The following SPEG variants were observed in gnomAD, a reference collection of about 807,000 sequenced individuals.
The protein encoded by SPEG is striated muscle preferentially expressed protein kinase.
A neutral mutation model predicts 300.4 loss-of-function variants in SPEG; 114 were observed. The ratio of observed to expected loss-of-function variants is 0.38; its 90% CI spans 0.33 to 0.44. The LOEUF is 0.44. SPEG is among the 20% of genes least tolerant of loss of function. The pLI is 1.00. For synonymous variants in SPEG, 1,964 were observed against 2,018.9 expected (o/e 0.97, Z 0.73); for missense variants, 4,201 against 4,586.2 (o/e 0.92, Z 2.43).
intron 9 of SPEG, chr2:219,465,827 ATGCGTGCGTGTATG>A (rs1691229192): frequency 1.0e-5 from 6 of 591,696 alleles, no homozygotes; most frequent in Admixed American, 5.4e-5. Context: ...GTGCGTGCGC[ATGCGTGCGTGTATG>A]TGCATGCATG....
chr2:219,462,506 G>A (rs1032282767), intron 8 of SPEG, 120 bp downstream of exon 8: 2 of 772,232 alleles, frequency 2.6e-6, no homozygotes, highest in African/African-American at 3.5e-5. Flanking sequence ...TCTGCCTCAG[G>A]GGCCTCATCT....
chr2:219,451,266 C>A lies in SPEG; in HGVS notation c.2244C>A (p.Asn748Lys). The change falls in exon 5 of 41, where the codon AAC becomes AAA. Residue 748 changes from asparagine to lysine, a missense_variant. Around this residue, in one of 4 missense-constraint regions of SPEG, gnomAD observed 1,258 missense variants for 1,293.9 expected, o/e 0.97. Coordinates refer to ENST00000312358, the MANE Select transcript of SPEG (RefSeq NM_005876.5). The surrounding 1 kb of genome is among the most constrained non-coding windows in gnomAD (Gnocchi z 6.4). The part of the protein sequence containing the change: ...DVLLKCIITA[N>K]PPPQVSWHKD... ...TGCTCAAGTGTATCATCACTGCCAA[C>A]CCCCCGCCCCAAGGTGAGCTCCAGC... 1 of 1,605,066 alleles carries A rather than the reference C, an allele frequency of 6.2e-7. No homozygotes were observed. The highest frequency in any genetic ancestry group is 8.5e-7 in the Non-Finnish European group (1 of 1,174,968).
At position 219,484,780 on chromosome 2, in the gene SPEG, G is replaced by T; in HGVS notation, c.7317G>T (p.Ser2439=). Residue 2439 remains serine, a synonymous_variant, in exon 30 of 41, where the codon TCG becomes TCT. Transcript: ENST00000312358. ...WEARGGDGES[S]EGGSSARGSP... Reference sequence around the variant, plus strand: ...CCCGCGGCGGGGACGGAGAGAGCTCGGAGGGCGGGAGCTCGGCGCGGGGCT... The same window carrying T: ...CCCGCGGCGGGGACGGAGAGAGCTCTGAGGGCGGGAGCTCGGCGCGGGGCT... The T allele has an allele frequency of 6.8e-7, 1 of 1,467,504 alleles. No individual in the cohort carries two copies. The highest frequency in any genetic ancestry group is 1.4e-5 in the South Asian group (1 of 73,978). 90.9% of individuals were successfully genotyped at this position (1,467,504 alleles called of 1,614,324 possible). A position where few individuals can be genotyped will look rare whatever the true frequency, so the allele number is the denominator to read the frequency against.
At position 219,481,228 on chromosome 2, in the gene SPEG, C is replaced by A; in HGVS notation, c.5370-76C>A. On this transcript the variant is annotated intron_variant, in intron 26 of 40. Coordinates refer to ENST00000312358, the MANE Select transcript of SPEG (RefSeq NM_005876.5). This position sits in a 1 kb window ranked among gnomAD's most constrained non-coding sequence, Gnocchi z 5.4. ...TCACAACCCCAGAGCCTCCATCTGT[C>A]CCCAGCCCTGTGCCCCCACTGACAT... The A allele has an allele frequency of 6.7e-7, 1 of 1,495,474 alleles. No homozygotes were observed. Among genetic ancestry groups the A allele is most frequent in the Non-Finnish European group, 9.2e-7 (1 of 1,087,632 alleles). The allele number at this position is 1,495,474 out of a possible 1,614,324, so 92.6% of individuals were successfully genotyped here.
chr2:219,477,993 A>C lies in SPEG; in HGVS notation c.4915A>C (p.Lys1639Gln). ...GTTCATCCCCAGCCAGGCCAAGCCAAAGGCATCAGCGCGTCGGGAGGCCCG... is the reference window on the plus strand; with the variant it reads ...GTTCATCCCCAGCCAGGCCAAGCCACAGGCATCAGCGCGTCGGGAGGCCCG... ...AKFIPSQAKP[K>Q]ASARREARLL... The change falls in exon 22 of 41, where the codon AAG becomes CAG. Residue 1639 changes from lysine (K) to glutamine (Q), a missense_variant. Physicochemically the swap from Lys to Gln is moderately conservative, Grantham distance 53 (BLOSUM62 1). Coordinates refer to ENST00000312358, the MANE Select transcript of SPEG (RefSeq NM_005876.5). The surrounding 1 kb of genome is among the most constrained non-coding windows in gnomAD (Gnocchi z 6.4). 1 of 1,614,200 alleles carries C rather than the reference A, an allele frequency of 6.2e-7. No homozygotes were observed. Among genetic ancestry groups the C allele is most frequent in the Non-Finnish European group, 8.5e-7 (1 of 1,180,040 alleles).
chr2:219,488,743 T>C (rs2125587960), intron 33 of SPEG, 35 bp from the exon 34 acceptor site: 1 of 1,612,226 alleles, frequency 6.2e-7, no homozygotes, highest in Non-Finnish European at 8.5e-7. Flanking sequence ...AGCTAGGGTA[T>C]AGGGGCTCAC....
chr2:219,466,328 G>A, intron 9 of SPEG: 1 of 1,408,550 alleles, frequency 7.1e-7, no homozygotes, highest in South Asian at 1.6e-5. Context: ...GGAAGGGGCG[G>A]CTGCGAGGGG....
At chr2:219,470,040 G>T (rs1478432685) in intron 13 of SPEG, among the ~76,000 whole-genome samples, 1 of 152,098 alleles carries the variant, frequency 6.6e-6, no homozygotes, top group Non-Finnish European at 1.5e-5. Flanking sequence ...GTGTGAGAAG[G>T]TCTGCCCCCC....
intron 1 of SPEG, among the ~76,000 whole-genome samples, chr2:219,440,331 T>G (rs1313817790): frequency 6.6e-6 from 1 of 152,076 alleles, no homozygotes; most frequent in Admixed American, 6.6e-5. Flanking sequence ...AAGGTTGCAG[T>G]GAGCCATGAT....
intron 9 of SPEG, 181 bp from the exon 10 acceptor site, chr2:219,466,993 A>C: frequency 1.9e-6 from 2 of 1,047,444 alleles, no homozygotes; most frequent in Non-Finnish European, 2.5e-6. Flanking sequence ...TTGCCATCTC[A>C]AAGCCAGGTC....
chr2:219,442,780 G>A (rs1689023948), intron 1 of SPEG, among the ~76,000 whole-genome samples: 1 of 148,136 alleles, frequency 6.8e-6, no homozygotes, highest in Non-Finnish European at 1.5e-5. Context: ...CTTTCTCTCG[G>A]GCTGTTGCCC....
Position 219,464,697 on chromosome 2 carries a change from A to T in SPEG, c.2881+89A>T. On this transcript the variant is annotated intron_variant, in intron 9 of 40. Coordinates refer to ENST00000312358, the MANE Select transcript of SPEG (RefSeq NM_005876.5). The surrounding 1 kb of genome is among the most constrained non-coding windows in gnomAD (Gnocchi z 4.5). ...GCTCTCACACAGCCTCAGTTAGAGG[A>T]TGCCACCACTGAAAGGGCCTTAAGG... The T allele has an allele frequency of 7.3e-7, 1 of 1,377,448 alleles. No homozygotes were observed. The highest frequency in any genetic ancestry group is 1.0e-6 in the Non-Finnish European group (1 of 989,186). 85.3% of individuals were successfully genotyped at this position (1,377,448 alleles called of 1,614,324 possible).
Position 219,444,864 on chromosome 2 carries a change from C to T in SPEG, c.518C>T (p.Pro173Leu). The T allele has an allele frequency of 6.4e-7, 1 of 1,570,944 alleles. No homozygotes were observed. The highest frequency in any genetic ancestry group is 8.6e-7 in the Non-Finnish European group (1 of 1,157,810). The change falls in exon 3 of 41, where the codon CCC becomes CTC. Residue 173 changes from proline to leucine, a missense_variant. By Grantham distance (98) the Pro-to-Leu change is moderately conservative. This residue lies in a region of SPEG where 1,258 missense variants were observed against 1,293.9 expected (regional missense o/e 0.97). Transcript: ENST00000312358. The surrounding 1 kb of genome is among the most constrained non-coding windows in gnomAD (Gnocchi z 7.8). ...DTLVGTSLDT[P>L]PTSVTGTSEE... ...CTGGTGGGCACCTCCCTGGACACAC[C>T]CCCGACCTCCGTGACAGGCACCTCA...
intron 6 of SPEG, chr2:219,460,992 T>C (rs1690631282): frequency 1.0e-6 from 1 of 982,344 alleles, no homozygotes; most frequent in Non-Finnish European, 1.2e-6. Flanking sequence ...GTGCAGAGCC[T>C]CGGGGTGAGT....
intron 8 of SPEG, among the ~76,000 whole-genome samples, 175 bp downstream of exon 8, chr2:219,462,561 A>G (rs1286234236): frequency 6.6e-6 from 1 of 152,196 alleles, no homozygotes; most frequent in Non-Finnish European, 1.5e-5. Flanking sequence ...CCCTTGCCCC[A>G]TGTTCCAGGC....
intron 6 of SPEG, among the ~76,000 whole-genome samples, chr2:219,454,181 A>C (rs1197909855): frequency 1.3e-5 from 2 of 152,294 alleles, no homozygotes; most frequent in Middle Eastern, 3.4e-3. Context: ...CACAGATCTC[A>C]ATTCCTGGTT....
chr2:219,438,243 C>G (rs776867646), intron 1 of SPEG, among the ~76,000 whole-genome samples: 9 of 152,006 alleles, frequency 5.9e-5, no homozygotes, highest in Non-Finnish European at 1.2e-4. Flanking sequence ...GCGTAAGTAC[C>G]CTGTCTCATT....
At chr2:219,472,453 C>A in intron 15 of SPEG, 122 bp downstream of exon 15, 2 of 822,382 alleles carry the variant, frequency 2.4e-6, no homozygotes, top group Non-Finnish European at 3.9e-6. Flanking sequence ...TGATGGAATG[C>A]TGGTGGGACC....
At position 219,469,222 on chromosome 2, in the gene SPEG, C is replaced by A. The variant is rs775133496; in HGVS notation, c.3558C>A (p.Ser1186=). ...EPEQGELERL[S]IPDFLRPLQD... ...AGCAGGGTGAGCTGGAGCGGCTGTCCATTCCTGACTTCCTGCGGCCACTGC... is the reference window on the plus strand; with the variant it reads ...AGCAGGGTGAGCTGGAGCGGCTGTCAATTCCTGACTTCCTGCGGCCACTGC... The change falls in exon 13 of 41, where the codon TCC becomes TCA. Residue 1186 remains serine (S), a synonymous_variant. Coordinates refer to ENST00000312358, the MANE Select transcript of SPEG (RefSeq NM_005876.5). The A allele has an allele frequency of 2.5e-6, 4 of 1,613,610 alleles. No homozygotes were observed. In the South Asian group the frequency reaches 3.3e-5, roughly 13 times the overall value.
Sources: gnomAD v4.1 joint callset for allele counts (sites outside exome capture counted in the v4.1 genomes callset) on GRCh38, gnomAD v4.1.1 for gene constraint, gnomAD v4.1.1 regional missense constraint, Gnocchi (gnomAD v3.1) non-coding constraint, MANE v1.5 for transcripts, NCBI Gene and HGNC (gene_info 2026-07-23, HGNC 2026-07-21) for gene names.